MFSD6: variants seen among roughly 807,000 people sequenced by gnomAD.
The protein encoded by MFSD6 is major facilitator superfamily domain-containing protein 6.
Under a neutral mutation model 56.3 loss-of-function variants are expected in MFSD6, and 26 were observed. The observed-to-expected ratio is 0.46, with a 90% CI of 0.34 to 0.64. MFSD6 has a LOEUF of 0.64. Among genes scored for constraint, MFSD6 ranks in the 30% least tolerant of loss-of-function variants. MFSD6 has a pLI of 0.01. For missense variants in MFSD6, 750 were observed against 986.2 expected, an observed-to-expected ratio of 0.76 and a Z score of 3.21; for synonymous variants, 331 against 366.9, an observed-to-expected ratio of 0.90 and a Z score of 1.12.
chr2:190,430,632 G>C (rs532540668), intron 2 of MFSD6, among the ~76,000 whole-genome samples: 1 of 152,040 alleles, frequency 6.6e-6, no homozygotes, highest in South Asian at 2.1e-4. Context: ...GCAACCATCC[G>C]ATTTCTCAAT....
rs139530596 is a variant in MFSD6, at chr2:190,497,538, G to A, written c.1991G>A (p.Arg664His). Reference sequence around the variant, plus strand: ...CAACAGACAGAAGATGTCATGCCACGCATTGAGCCCAGACTTCCACCCAAG... The same window carrying A: ...CAACAGACAGAAGATGTCATGCCACACATTGAGCCCAGACTTCCACCCAAG... ...VQQQTEDVMP[R>H]IEPRLPPKKT... Residue 664 changes from arginine (R) to histidine (H), a missense_variant, in exon 7 of 8, where the codon CGC becomes CAC. Physicochemically the swap from Arg to His is conservative, Grantham distance 29. This residue lies in a region of MFSD6 where 172 missense variants were observed against 203.9 expected (regional missense o/e 0.84). Coordinates refer to ENST00000392328, the MANE Select transcript of MFSD6 (RefSeq NM_017694.4). This position sits in a 1 kb window ranked among gnomAD's most constrained non-coding sequence, Gnocchi z 5.2. 12 of 1,614,024 alleles carry A rather than the reference G, an allele frequency of 7.4e-6. No individual in the cohort carries two copies. Among genetic ancestry groups the A allele is most frequent in the East Asian group, 6.7e-5 (3 of 44,902 alleles).
chr2:190,472,447 C>G (rs1039177616), intron 4 of MFSD6, among the ~76,000 whole-genome samples: 3 of 152,032 alleles, frequency 2.0e-5, no homozygotes, highest in East Asian at 3.9e-4. Context: ...AATGCACAAG[C>G]CTTAGTAGCT....
intron 4 of MFSD6, among the ~76,000 whole-genome samples, chr2:190,473,938 A>C (rs1225684556): frequency 6.6e-6 from 1 of 152,234 alleles, no homozygotes; most frequent in Non-Finnish European, 1.5e-5. Context: ...AGTACATGGA[A>C]ACTGAACAAC....
At chr2:190,460,441 A>G (rs558066920) in intron 3 of MFSD6, among the ~76,000 whole-genome samples, 1 of 152,322 alleles carries the variant, frequency 6.6e-6, no homozygotes, top group Middle Eastern at 3.4e-3. Flanking sequence ...TGCATAGTGT[A>G]TATCCCTAGC....
intron 2 of MFSD6, among the ~76,000 whole-genome samples, chr2:190,422,638 C>T (rs1685662836): frequency 6.6e-6 from 1 of 152,102 alleles, no homozygotes; most frequent in Non-Finnish European, 1.5e-5. Context: ...TAAGGTAATT[C>T]GTTTGTCCCA....
chr2:190,477,949 G>A (rs1039046072), intron 4 of MFSD6, among the ~76,000 whole-genome samples: 1 of 152,214 alleles, frequency 6.6e-6, no homozygotes, highest in Non-Finnish European at 1.5e-5. Flanking sequence ...TCCAGCATGG[G>A]GGAAGAGCTG....
In MFSD6 at chr2:190,447,230, A is replaced by T. The variant is rs543836173; in HGVS notation, c.1532+9669A>T. On this transcript the variant is annotated intron_variant, in intron 3 of 7. Coordinates refer to ENST00000392328, the MANE Select transcript of MFSD6 (RefSeq NM_017694.4). The surrounding 1 kb of genome is among the most constrained non-coding windows in gnomAD (Gnocchi z 4.5). ...TAGAGCTTTTCTAATCAGAGAACAC[A>T]AAGTTAGTGATTTCAATTTTGTTTT... is the stretch of plus-strand genomic sequence containing the variant. Among the ~76,000 whole-genome samples the T allele has an allele frequency of 2.6e-5, 4 of 152,314 alleles. No homozygotes were observed. In the South Asian group the frequency reaches 8.3e-4, roughly 32 times the overall value.
chr2:190,437,602 CT>C lies in MFSD6; in HGVS notation c.1532+44del. ...CGATTGCTGCCCCTCAGCAATTGAA[CT>C]TTATCTTTTTATGGTTTATAGCTCC... On this transcript the variant is annotated intron_variant, in intron 3 of 7. Coordinates refer to ENST00000392328, the MANE Select transcript of MFSD6 (RefSeq NM_017694.4). This position sits in a 1 kb window ranked among gnomAD's most constrained non-coding sequence, Gnocchi z 5.9. 1 of 1,576,086 alleles carries C rather than the reference CT, an allele frequency of 6.3e-7. No individual in the cohort carries two copies. Among genetic ancestry groups the C allele is most frequent in the Non-Finnish European group, 8.6e-7 (1 of 1,160,256 alleles).
chr2:190,418,801 A>G lies in MFSD6; in HGVS notation c.-54+3388A>G, dbSNP rs1481748846. Among the ~76,000 whole-genome samples, 3 of 152,176 alleles carry G rather than the reference A, an allele frequency of 2.0e-5. No individual in the cohort carries two copies. The highest frequency in any genetic ancestry group is 4.8e-5 in the African/African-American group (2 of 41,458). ...AAGAATGACAAGGGTGCCAGGTTCT[A>G]GTTTCTGGGAGGAGTTTCAATCCCA... On this transcript the variant is annotated intron_variant, in intron 2 of 7. Transcript: ENST00000392328. The surrounding 1 kb of genome is among the most constrained non-coding windows in gnomAD (Gnocchi z 4.1).
chr2:190,445,458 A>C (rs1304645957), intron 3 of MFSD6, among the ~76,000 whole-genome samples: 2 of 13,916 alleles, frequency 1.4e-4, no homozygotes, highest in Non-Finnish European at 2.7e-4. Flanking sequence ...CCCCAATCAC[A>C]AAAAAAAAAA....
chr2:190,469,097 C>A lies in MFSD6; in HGVS notation c.1533-661C>A, dbSNP rs969438228. On this transcript the variant is annotated intron_variant, in intron 3 of 7. Transcript: ENST00000392328. The surrounding 1 kb of genome is among the most constrained non-coding windows in gnomAD (Gnocchi z 5.3). ...CGGTAATGGTGGGGGTGAGAGAATG[C>A]AAGAGGTTGGTGTATATTTATTAGT... Among the ~76,000 whole-genome samples, 18 of 152,068 alleles carry A rather than the reference C, an allele frequency of 1.2e-4. No individual in the cohort carries two copies. Among genetic ancestry groups the A allele is most frequent in the Non-Finnish European group, 1.8e-4 (12 of 68,018 alleles).
rs1051607607 is a variant in MFSD6 at position 190,490,262 on chromosome 2, T to C, written c.1891+396T>C. Among the ~76,000 whole-genome samples, 1 of 137,788 alleles carries C rather than the reference T, an allele frequency of 7.3e-6. No homozygotes were observed. The highest frequency in any genetic ancestry group is 2.0e-4 in the East Asian group (1 of 5,098). The allele number at this position is 137,788 out of a possible 152,430, so 90.4% of individuals were successfully genotyped here. On this transcript the variant is annotated intron_variant, in intron 6 of 7. Transcript: ENST00000392328. The surrounding 1 kb of genome is among the most constrained non-coding windows in gnomAD (Gnocchi z 4.5). ...CTTCTCTATGACTTACCTTCATTTG[T>C]TAAAAAAAAAAAAAACAATGGCCGG...
intron 4 of MFSD6, among the ~76,000 whole-genome samples, chr2:190,486,108 T>C (rs1360781769): frequency 6.6e-6 from 1 of 152,248 alleles, no homozygotes; most frequent in African/African-American, 2.4e-5. Flanking sequence ...GTCTTGCTTT[T>C]AAGATTATGT....
chr2:190,474,144 C>T (rs1226874221), intron 4 of MFSD6, among the ~76,000 whole-genome samples: 3 of 151,144 alleles, frequency 2.0e-5, no homozygotes, highest in African/African-American at 7.3e-5. Flanking sequence ...CCTAACATCA[C>T]AATTAAAAGA....
rs1236067067 is a variant in MFSD6, at chr2:190,410,850, G to C, written c.-176+2347G>C. ...AGGCAGGTGGATCACGAAGTCAGGA[G>C]TTCAAGACCAGCCTGGCCAAGATGG... On this transcript the variant is annotated intron_variant, in intron 1 of 7. Coordinates refer to ENST00000392328, the MANE Select transcript of MFSD6 (RefSeq NM_017694.4). The surrounding 1 kb of genome is among the most constrained non-coding windows in gnomAD (Gnocchi z 4.4). Among the ~76,000 whole-genome samples, 1 of 145,422 alleles carries C rather than the reference G, an allele frequency of 6.9e-6. No homozygotes were observed. The highest frequency in any genetic ancestry group is 1.5e-5 in the Non-Finnish European group (1 of 66,170).
At chr2:190,474,839 C>A (rs1357310689) in intron 4 of MFSD6, among the ~76,000 whole-genome samples, 5 of 152,160 alleles carry the variant, frequency 3.3e-5, no homozygotes, top group African/African-American at 9.7e-5. Context: ...CAAACCGAAT[C>A]CAGCAGCACA....
Position 190,426,662 on chromosome 2 carries a change from A to G in MFSD6, c.-53-9315A>G, listed in dbSNP as rs975435179. ...CCCACTTTTGGAGTCCCCAGTGTCT[A>G]TTATTTCCAAATGATGGTTGTTTTC... On this transcript the variant is annotated intron_variant, in intron 2 of 7. Coordinates refer to ENST00000392328, the MANE Select transcript of MFSD6 (RefSeq NM_017694.4). The surrounding 1 kb of genome is among the most constrained non-coding windows in gnomAD (Gnocchi z 4.7). Among the ~76,000 whole-genome samples, 3 of 152,136 alleles carry G rather than the reference A, an allele frequency of 2.0e-5. No homozygotes were observed. The highest frequency in any genetic ancestry group is 4.8e-5 in the African/African-American group (2 of 41,510).
At chr2:190,452,990 C>T (rs566271181) in intron 3 of MFSD6, among the ~76,000 whole-genome samples, 6 of 152,128 alleles carry the variant, frequency 3.9e-5, no homozygotes, top group African/African-American at 1.4e-4. Context: ...ATTAAATGAT[C>T]AGTGATTGTT....
rs941873244 is a variant in MFSD6 at position 190,458,531 on chromosome 2, T to G, written c.1533-11227T>G. ...GAAGCCACCCAGTCTGTGGTATTTG[T>G]TACAGCAGCCTTAGCAAACTAATAC... On this transcript the variant is annotated intron_variant, in intron 3 of 7. Coordinates refer to ENST00000392328, the MANE Select transcript of MFSD6 (RefSeq NM_017694.4). The surrounding 1 kb of genome is among the most constrained non-coding windows in gnomAD (Gnocchi z 5.3). Among the ~76,000 whole-genome samples, 14 of 152,290 alleles carry G rather than the reference T, an allele frequency of 9.2e-5. No homozygotes were observed. The highest frequency in any genetic ancestry group is 3.1e-4 in the African/African-American group (13 of 41,574).
Sources: gnomAD v4.1 joint callset for allele counts (sites outside exome capture counted in the v4.1 genomes callset) on GRCh38, gnomAD v4.1.1 for gene constraint, gnomAD v4.1.1 regional missense constraint, Gnocchi (gnomAD v3.1) non-coding constraint, MANE v1.5 for transcripts, NCBI Gene and HGNC (gene_info 2026-07-23, HGNC 2026-07-21) for gene names.